CA11: variants seen among roughly 807,000 people sequenced by gnomAD.
CA11 encodes the protein carbonic anhydrase 11 (inactive).
CA11 carries 20 observed loss-of-function variants against 39.3 expected under a neutral mutation model. That is an observed-to-expected ratio of 0.51 (90% CI 0.36 to 0.74). CA11 has a LOEUF of 0.74. CA11 is among the 30% of genes least tolerant of loss of function. The pLI is 0.00. For missense variants in CA11, 336 were observed against 424.6 expected, an observed-to-expected ratio of 0.79 and a Z score of 1.83; for synonymous variants, 166 against 172.5, an observed-to-expected ratio of 0.96 and a Z score of 0.29.
intron 3 of CA11, among the ~76,000 whole-genome samples, chr19:48,642,722 C>T (rs559668992): frequency 1.3e-5 from 2 of 151,964 alleles, no homozygotes; most frequent in African/African-American, 2.4e-5. Context: ...GAGGAGGGTA[C>T]GCCACCAGTC....
At position 48,637,998 on chromosome 19, in the gene CA11, G is replaced by A; in HGVS notation, c.*121C>T. 1 of 646,318 alleles carries A rather than the reference G, an allele frequency of 1.5e-6. No homozygotes were observed. Among genetic ancestry groups the A allele is most frequent in the Non-Finnish European group, 2.4e-6 (1 of 413,024 alleles). 40.0% of individuals were successfully genotyped at this position (646,318 alleles called of 1,614,324 possible). A position where few individuals can be genotyped will look rare whatever the true frequency, so the allele number is the denominator to read the frequency against. ...CCCAAATGTTTCCCCACCGCGCCTAGAATCAGACCACTGAGAAAACAGGAA... is the reference window on the plus strand; with the variant it reads ...CCCAAATGTTTCCCCACCGCGCCTAAAATCAGACCACTGAGAAAACAGGAA... On this transcript the variant is annotated 3_prime_UTR_variant, in exon 9 of 9. Coordinates refer to ENST00000084798, the MANE Select transcript of CA11 (RefSeq NM_001217.5).
chr19:48,644,807 C>T (rs191361294), intron 2 of CA11, among the ~76,000 whole-genome samples: 126 of 152,230 alleles, frequency 8.3e-4, no homozygotes, highest in Non-Finnish European at 1.5e-3. Context: ...GTTGGCCAGG[C>T]TGGTCTTGAA....
chr19:48,639,049 T>G lies in CA11; in HGVS notation c.800A>C (p.His267Pro). ...RALNITSLQMHSLRLLSQNPP... is the reference protein window; with the variant it reads ...RALNITSLQMPSLRLLSQNPP... ...ATTCTGGCTCAGGAGTCTCAGGGAG[T>G]GCATCTGCAGTGGAAGGAGGGTGGG... The change falls in exon 8 of 9, where the codon CAC (histidine) becomes CCC (proline). Residue 267 changes from histidine (H) to proline (P), a missense_variant. By Grantham distance (77) the His-to-Pro change is moderately conservative. Transcript: ENST00000084798. 6.2e-7 allele frequency: 1 copy of G among 1,613,162 alleles called. No homozygotes were observed.
At chr19:48,645,243 G>A (rs1238053112) in intron 2 of CA11, among the ~76,000 whole-genome samples, 160 bp downstream of exon 2, 1 of 152,244 alleles carries the variant, frequency 6.6e-6, no homozygotes, top group Admixed American at 6.5e-5. Context: ...CCCATGGTGA[G>A]CCCCTGGGGT....
At chr19:48,645,291 G>C in intron 2 of CA11, 112 bp downstream of exon 2, 3 of 905,968 alleles carry the variant, frequency 3.3e-6, no homozygotes, top group Non-Finnish European at 5.2e-6. Flanking sequence ...CAGAGGAGGG[G>C]GCTGGGACTC....
rs112343510 is a variant in CA11, at chr19:48,643,437, TA to T, written c.285+989del. On this transcript the variant is annotated intron_variant, in intron 3 of 8. Coordinates refer to ENST00000084798, the MANE Select transcript of CA11 (RefSeq NM_001217.5). The surrounding 1 kb of genome is among the most constrained non-coding windows in gnomAD (Gnocchi z 4.3). ...GTTGGCCAGGCTGATCTCGAACTCC[TA>T]ACCTCGTGATCCACCCACCTCGGCC... 0.15 allele frequency among the ~76,000 whole-genome samples: 23,232 copies of T among 152,058 alleles called. 3,424 individuals carry two copies. Among genetic ancestry groups the T allele is most frequent in the African/African-American group, 0.37 (15,443 of 41,420 alleles).
Position 48,639,641 on chromosome 19 carries a change from G to A in CA11, c.568-20C>T. On this transcript the variant is annotated intron_variant, in intron 5 of 8. Transcript: ENST00000084798. ...GGCAACCTGTGTGGGGGTACGAGGT[G>A]AGGACACAGGAGCCCAGAAGTCCAA... 1 of 1,612,738 alleles carries A rather than the reference G, an allele frequency of 6.2e-7. No individual in the cohort carries two copies. The highest frequency in any genetic ancestry group is 8.5e-7 in the Non-Finnish European group (1 of 1,179,024).
intron 3 of CA11, 70 bp from the exon 4 acceptor site, chr19:48,640,350 T>C: frequency 1.7e-6 from 2 of 1,197,066 alleles, no homozygotes; most frequent in East Asian, 4.8e-5. Context: ...ACGCCTACAT[T>C]TTCTGATTCC....
chr19:48,644,323 C>T (rs1389823928), intron 3 of CA11, 104 bp downstream of exon 3: 26 of 1,100,396 alleles, frequency 2.4e-5, no homozygotes, highest in Non-Finnish European at 3.0e-5. Context: ...CTGGGTGTCC[C>T]CTCCTCCCCC....
chr19:48,639,364 A>T lies in CA11; in HGVS notation c.736T>A (p.Cys246Ser), dbSNP rs2030988681. ...TYQGSLSTPPCSETVTWILID... is the reference protein window; with the variant it reads ...TYQGSLSTPPSSETVTWILID... Reference sequence around the variant, plus strand: ...AGGATCCAGGTGACAGTCTCGGAGCAGGGCGGGGTGCTGAGAGAGCCCTGA... The same window carrying T: ...AGGATCCAGGTGACAGTCTCGGAGCTGGGCGGGGTGCTGAGAGAGCCCTGA... The change falls in exon 7 of 9, where the codon TGC (cysteine) becomes AGC (serine). Residue 246 changes from cysteine to serine, a missense_variant. Cys to Ser is a moderately radical substitution (Grantham distance 112). Coordinates refer to ENST00000084798, the MANE Select transcript of CA11 (RefSeq NM_001217.5). The T allele has an allele frequency of 3.7e-6, 6 of 1,613,634 alleles. No homozygotes were observed. The Admixed American group carries it at 1.0e-4, about 27-fold the overall frequency.
Position 48,640,232 on chromosome 19 carries a change from C to T in CA11, c.334G>A (p.Ala112Thr), listed in dbSNP as rs1601187971. Residue 112 changes from alanine to threonine, a missense_variant, in exon 4 of 9, where the codon GCA (alanine) becomes ACA (threonine). By Grantham distance (58) the Ala-to-Thr change is moderately conservative. Coordinates refer to ENST00000084798, the MANE Select transcript of CA11 (RefSeq NM_001217.5). ...GACACATTGACCACAGGTCGGGGTG[C>T]AGGCAGGAAGGAGACATGTCGGCCG... Reference protein sequence around the residue: ...NTGRHVSFLPAPRPVVNVSGG... With the variant: ...NTGRHVSFLPTPRPVVNVSGG... 2 of 1,614,022 alleles carry T rather than the reference C, an allele frequency of 1.2e-6. No individual in the cohort carries two copies. Among genetic ancestry groups the T allele is most frequent in the Middle Eastern group, 3.3e-4 (2 of 6,006 alleles).
chr19:48,638,420 G>T, intron 8 of CA11: 2 of 1,021,140 alleles, frequency 2.0e-6, no homozygotes, highest in Non-Finnish European at 2.4e-6. Flanking sequence ...AGCCGGGGGT[G>T]TGTGAGATTC....
intron 7 of CA11, 101 bp downstream of exon 7, chr19:48,639,204 G>A: frequency 1.3e-6 from 2 of 1,540,718 alleles, no homozygotes; most frequent in Middle Eastern, 1.9e-4. Context: ...ACCTACTTGA[G>A]TTCAGTCTAT....
chr19:48,638,519 G>C, intron 8 of CA11: 1 of 333,794 alleles, frequency 3.0e-6, no homozygotes. Flanking sequence ...TCAGATTGTG[G>C]AACAGCGTAA....
chr19:48,642,361 T>TG (rs1428581851), intron 3 of CA11, among the ~76,000 whole-genome samples: 1 of 152,072 alleles, frequency 6.6e-6, no homozygotes, highest in East Asian at 1.9e-4. Flanking sequence ...CAGCTGGGTG[T>TG]GGCGGTGGGC....
chr19:48,639,338 G>A lies in CA11; in HGVS notation c.762C>T (p.Leu254=). ...AGGTGATATTGAGGGCCCGGTCAATGAGGATCCAGGTGACAGTCTCGGAGC... is the reference window on the plus strand; with the variant it reads ...AGGTGATATTGAGGGCCCGGTCAATAAGGATCCAGGTGACAGTCTCGGAGC... ...PPCSETVTWI[L]IDRALNITSL... Residue 254 remains leucine (L), a synonymous_variant, in exon 7 of 9, where the codon CTC becomes CTT. Coordinates refer to ENST00000084798, the MANE Select transcript of CA11 (RefSeq NM_001217.5). 6.2e-7 allele frequency: 1 copy of A among 1,613,738 alleles called. No homozygotes were observed. Among genetic ancestry groups the A allele is most frequent in the Non-Finnish European group, 8.5e-7 (1 of 1,179,944 alleles).
intron 8 of CA11, chr19:48,638,347 G>A (rs2030917733): frequency 2.9e-6 from 2 of 683,494 alleles, no homozygotes; most frequent in South Asian, 6.5e-5. Flanking sequence ...AGATTCAGCA[G>A]TAGGCTGAAC....
chr19:48,641,823 CTTTT>C (rs71179023), intron 3 of CA11, among the ~76,000 whole-genome samples: 4 of 92,292 alleles, frequency 4.3e-5, no homozygotes, highest in Admixed American at 1.2e-4. Flanking sequence ...TTTCAATTTT[CTTTT>C]TTTTTTTTTT....
rs1470216446 is a variant in CA11 at position 48,645,661 on chromosome 19, C to A, written c.-29G>T. 4 of 1,503,670 alleles carry A rather than the reference C, an allele frequency of 2.7e-6. No homozygotes were observed. In the Admixed American group the frequency reaches 8.5e-5, roughly 32 times the overall value. The allele number at this position is 1,503,670 out of a possible 1,614,324, so 93.1% of individuals were successfully genotyped here. A position where few individuals can be genotyped will look rare whatever the true frequency, so the allele number is the denominator to read the frequency against. On this transcript the variant is annotated 5_prime_UTR_variant, in exon 1 of 9. Coordinates refer to ENST00000084798, the MANE Select transcript of CA11 (RefSeq NM_001217.5). ...CAGGAGGCCTCCGAGGGACCCCTGC[C>A]CAACGCCCTGCCCCCCTCTCTCAGC...
Sources: gnomAD v4.1 joint callset for allele counts (sites outside exome capture counted in the v4.1 genomes callset) on GRCh38, gnomAD v4.1.1 for gene constraint, Gnocchi (gnomAD v3.1) non-coding constraint, MANE v1.5 for transcripts, NCBI Gene and HGNC (gene_info 2026-07-23, HGNC 2026-07-21) for gene names.